Variants in UBE3C observed in about 807,000 individuals in gnomAD.
The protein encoded by UBE3C is ubiquitin protein ligase E3C, also known as ubiquitin-protein ligase E3C.
A neutral mutation model predicts 129.4 loss-of-function variants in UBE3C; 42 were observed. The ratio of observed to expected loss-of-function variants is 0.32; its 90% CI spans 0.25 to 0.42. The LOEUF is 0.42. Among genes scored for constraint, UBE3C ranks in the 10% least tolerant of loss-of-function variants. The probability of loss-of-function intolerance (pLI) is 1.00; values close to 1 mark genes in which losing one functional copy is unlikely to be tolerated. For synonymous variants in UBE3C, 510 were observed against 492.4 expected, an observed-to-expected ratio of 1.04 and a Z score of -0.47; for missense variants, 1,049 against 1,319.1, an observed-to-expected ratio of 0.80 and a Z score of 3.17.
At chr7:157,168,929 A>G in intron 2 of UBE3C, 119 bp from the exon 3 acceptor site, 1 of 730,796 alleles carries the variant, frequency 1.4e-6, no homozygotes, top group Non-Finnish European at 2.3e-6. Context: ...CTTTTAAAGA[A>G]TGAATTTTAT....
chr7:157,219,468 T>C (rs1276015363), intron 14 of UBE3C, among the ~76,000 whole-genome samples: 1 of 152,196 alleles, frequency 6.6e-6, no homozygotes, highest in Non-Finnish European at 1.5e-5. Context: ...TAAATCTAAA[T>C]GTGGTGGAAC....
At chr7:157,206,841 G>A (rs1809447811) in intron 11 of UBE3C, among the ~76,000 whole-genome samples, 1 of 152,226 alleles carries the variant, frequency 6.6e-6, no homozygotes, top group Non-Finnish European at 1.5e-5. Context: ...GCAGGAGCAG[G>A]ATGGGAGCTG....
chr7:157,230,351 T>G lies in UBE3C; in HGVS notation c.2234-729T>G, dbSNP rs189765755. ...CCACATTGGAAGAGGAATAATTGTC[T>G]TGGGCCACAGACAAAATACACTAAC... is the stretch of plus-strand genomic sequence containing the variant. On this transcript the variant is annotated intron_variant, in intron 17 of 22. Coordinates refer to ENST00000348165, the MANE Select transcript of UBE3C (RefSeq NM_014671.3). 1.2e-4 allele frequency among the ~76,000 whole-genome samples: 18 copies of G among 152,080 alleles called. No homozygotes were observed. The East Asian group carries it at 3.5e-3, about 29-fold the overall frequency.
In UBE3C at chr7:157,207,847, C is replaced by T. The variant is rs750914438; in HGVS notation, c.1721C>T (p.Thr574Ile). Residue 574 changes from threonine (T) to isoleucine (I), a missense_variant, in exon 13 of 23, where the codon ACA becomes ATA. By Grantham distance (89) the Thr-to-Ile change is moderately conservative (BLOSUM62 -1). Around this residue, in one of 4 missense-constraint regions of UBE3C, gnomAD observed 314 missense variants for 416.9 expected, o/e 0.75. Transcript: ENST00000348165. The stretch of plus-strand genomic sequence containing the variant: ...CCAGAAGTTCGAGAAGAATATATTA[C>T]AGCATTTCAGAGTATTGGAGTTACT... Reference protein sequence around the residue: ...TKPEVREEYITAFQSIGVTTS... With the variant: ...TKPEVREEYIIAFQSIGVTTS... The T allele has an allele frequency of 8.7e-6, 14 of 1,613,834 alleles. No homozygotes were observed. Among genetic ancestry groups the T allele is most frequent in the African/African-American group, 4.0e-5 (3 of 74,914 alleles).
intron 10 of UBE3C, among the ~76,000 whole-genome samples, chr7:157,187,817 C>T (rs556783129): frequency 1.1e-3 from 170 of 152,180 alleles, no homozygotes; most frequent in African/African-American, 3.7e-3. Flanking sequence ...ACCTTGTGAT[C>T]CGCCTGCCTC....
intron 4 of UBE3C, among the ~76,000 whole-genome samples, chr7:157,171,895 T>C (rs1808388555): frequency 6.7e-6 from 1 of 150,266 alleles, no homozygotes; most frequent in South Asian, 2.1e-4. Flanking sequence ...TTAGTGGAGA[T>C]GGGATGTCGC....
In UBE3C at chr7:157,221,066, G is replaced by A. The variant is rs924618780; in HGVS notation, c.2002+290G>A. ...GCTCCTGGCTCCTTTTGGTCAGCAC[G>A]CTGCATTTGAGGGTGCTGTGTGGGT... On this transcript the variant is annotated intron_variant, in intron 15 of 22. Coordinates refer to ENST00000348165, the MANE Select transcript of UBE3C (RefSeq NM_014671.3). 14 of 294,200 alleles carry A rather than the reference G, an allele frequency of 4.8e-5. 1 individual carries two copies. Among genetic ancestry groups the A allele is most frequent in the Admixed American group, 2.0e-4 (5 of 24,872 alleles). 18.2% of individuals were successfully genotyped at this position (294,200 alleles called of 1,614,324 possible).
intron 10 of UBE3C, 131 bp downstream of exon 10, chr7:157,187,152 C>A: frequency 1.8e-6 from 2 of 1,086,318 alleles, no homozygotes; most frequent in Non-Finnish European, 2.5e-6. Context: ...TTCTACTGTC[C>A]AAGCGTTTCA....
intron 15 of UBE3C, chr7:157,221,391 T>C (rs1795731761): frequency 6.6e-6 from 1 of 152,224 alleles, no homozygotes; most frequent in Non-Finnish European, 1.5e-5. Flanking sequence ...CAGCAATGAA[T>C]GAGAGCCTCT....
intron 1 of UBE3C, chr7:157,139,875 T>A: frequency 6.4e-6 from 3 of 469,896 alleles, no homozygotes; most frequent in Non-Finnish European, 8.4e-6. Flanking sequence ...ATGTCGATAA[T>A]CTCTAAAGTA....
chr7:157,166,607 G>A (rs1458163392), intron 2 of UBE3C, among the ~76,000 whole-genome samples: 2 of 151,940 alleles, frequency 1.3e-5, no homozygotes, highest in African/African-American at 2.4e-5. Flanking sequence ...AGGCATGCTG[G>A]CGCATGCCTG....
chr7:157,203,907 C>CA (rs1426221610), intron 11 of UBE3C, among the ~76,000 whole-genome samples: 1 of 152,174 alleles, frequency 6.6e-6, no homozygotes, highest in African/African-American at 2.4e-5. Context: ...ACTGAGGCCT[C>CA]ACAGCTTAGC....
At chr7:157,217,431 C>T (rs192428669) in intron 14 of UBE3C, among the ~76,000 whole-genome samples, 138 of 151,014 alleles carry the variant, frequency 9.1e-4, no homozygotes, top group Non-Finnish European at 2.7e-4. Flanking sequence ...GGATTACAGA[C>T]GTAAGCCACC....
intron 1 of UBE3C, among the ~76,000 whole-genome samples, chr7:157,151,901 G>A (rs781708695): frequency 3.3e-5 from 5 of 152,122 alleles, no homozygotes; most frequent in Non-Finnish European, 7.3e-5. Context: ...TAAAGTGGCC[G>A]TCATCTGAGA....
At chr7:157,161,036 T>C (rs962687035) in intron 1 of UBE3C, among the ~76,000 whole-genome samples, 2 of 152,166 alleles carry the variant, frequency 1.3e-5, no homozygotes, top group African/African-American at 4.8e-5. Context: ...ATAAGAACTC[T>C]ATAAGATTGG....
intron 6 of UBE3C, among the ~76,000 whole-genome samples, chr7:157,180,320 T>C (rs567166843): frequency 6.6e-6 from 1 of 152,366 alleles, no homozygotes; most frequent in East Asian, 1.9e-4. Context: ...TAGTCACTTT[T>C]TTAAAAAAGT....
intron 1 of UBE3C, among the ~76,000 whole-genome samples, chr7:157,149,469 G>T (rs961476982): frequency 1.3e-5 from 2 of 152,152 alleles, no homozygotes; most frequent in African/African-American, 4.8e-5. Flanking sequence ...GGCCTACAGG[G>T]AGGTGAGTAA....
At chr7:157,143,871 C>T (rs550909561) in intron 1 of UBE3C, among the ~76,000 whole-genome samples, 1 of 152,074 alleles carries the variant, frequency 6.6e-6, no homozygotes, top group Non-Finnish European at 1.5e-5. Flanking sequence ...CAGGGTGGGA[C>T]TCGTGAGGTA....
chr7:157,148,643 C>T (rs961341476), intron 1 of UBE3C, among the ~76,000 whole-genome samples: 2 of 152,032 alleles, frequency 1.3e-5, no homozygotes, highest in Non-Finnish European at 2.9e-5. Context: ...GTATAATGCT[C>T]CATATACATT....
Sources: allele counts gnomAD v4.1 joint callset (sites outside exome capture counted in the v4.1 genomes callset), GRCh38; gene constraint gnomAD v4.1.1; regional missense constraint gnomAD v4.1.1; transcripts MANE v1.5; gene names NCBI Gene and HGNC (gene_info 2026-07-23, HGNC 2026-07-21).